Variants in LAMA5 observed in about 807,000 individuals in gnomAD.
The protein encoded by LAMA5 is laminin subunit alpha-5.
Under a neutral mutation model 433.4 loss-of-function variants are expected in LAMA5, and 260 were observed. The ratio of observed to expected loss-of-function variants is 0.60; its 90% CI spans 0.54 to 0.66. LAMA5 has a LOEUF of 0.66. Among genes scored for constraint, LAMA5 ranks in the 30% least tolerant of loss-of-function variants. LAMA5 has a pLI of 0.00. For missense variants in LAMA5, 5,378 were observed against 5,258.5 expected, an observed-to-expected ratio of 1.02 and a Z score of -0.70; for synonymous variants, 2,620 against 2,226.6, an observed-to-expected ratio of 1.18 and a Z score of -4.97.
chr20:62,339,077 G>A (rs1056371823), intron 11 of LAMA5, among the ~76,000 whole-genome samples: 2 of 151,824 alleles, frequency 1.3e-5, no homozygotes, highest in African/African-American at 4.8e-5. Context: ...GGCGTGTTTG[G>A]GAAAACAGTG....
At position 62,312,331 on chromosome 20, in the gene LAMA5, T is replaced by A. The variant is rs748139408; in HGVS notation, c.9361-15A>T. 2 of 1,606,782 alleles carry A rather than the reference T, an allele frequency of 1.2e-6. No individual in the cohort carries two copies. The highest frequency in any genetic ancestry group is 2.2e-5 in the South Asian group (2 of 90,776). On this transcript the variant is annotated splice_polypyrimidine_tract_variant and intron_variant, in intron 68 of 79. Transcript: ENST00000252999. ...GCGCGCCCCACCTGCGGGGAGGCCATCCCTGAGTGCCCGCGGGTGCCCCTG... is the reference window on the plus strand; with the variant it reads ...GCGCGCCCCACCTGCGGGGAGGCCAACCCTGAGTGCCCGCGGGTGCCCCTG...
At position 62,313,464 on chromosome 20, in the gene LAMA5, T is replaced by TGG; in HGVS notation, c.8659-6_8659-5dup. On this transcript the variant is annotated splice_polypyrimidine_tract_variant and splice_region_variant and intron_variant, in intron 63 of 79. Transcript: ENST00000252999. ...GGAAGCGAAGCAGGGGAGGGGGCTG[T>TGG]GGGCACAGGGCTGGGTCAGGGCACC... 6.2e-7 allele frequency: 1 copy of TGG among 1,601,116 alleles called. No individual in the cohort carries two copies. Among genetic ancestry groups the TGG allele is most frequent in the Non-Finnish European group, 8.5e-7 (1 of 1,174,652 alleles).
At chr20:62,352,515 G>C (rs938141633) in intron 3 of LAMA5, among the ~76,000 whole-genome samples, 155 bp from the exon 4 acceptor site, 10 of 152,210 alleles carry the variant, frequency 6.6e-5, no homozygotes, top group Non-Finnish European at 1.5e-4. Context: ...GGCTGAAGGG[G>C]CCTGGCCCGT....
chr20:62,336,597 C>T, intron 17 of LAMA5, 137 bp downstream of exon 17: 1 of 1,203,764 alleles, frequency 8.3e-7, no homozygotes, highest in Non-Finnish European at 1.2e-6. Context: ...AGAGGACCAG[C>T]CTAAGGAGCA....
intron 11 of LAMA5, chr20:62,345,336 TTTA>T (rs1259807410): frequency 1.3e-5 from 2 of 150,552 alleles, no homozygotes; most frequent in African/African-American, 4.8e-5. Context: ...CTATTTTTTT[TTTA>T]TTATACTTTA....
At chr20:62,360,961 ACTGCGCCCACTGGCT>A (rs1203110624) in intron 2 of LAMA5, among the ~76,000 whole-genome samples, 2 of 152,098 alleles carry the variant, frequency 1.3e-5, no homozygotes, top group African/African-American at 4.8e-5. Flanking sequence ...CACATCGGGC[ACTGCGCCCACTGGCT>A]CTGCAGCCAC....
chr20:62,366,465 C>T (rs1406858194), intron 1 of LAMA5, among the ~76,000 whole-genome samples: 1 of 152,222 alleles, frequency 6.6e-6, no homozygotes, highest in Non-Finnish European at 1.5e-5. Context: ...CTTTGGAGGT[C>T]TCCTCGAGTC....
rs1156298856 is a variant in LAMA5, at chr20:62,359,043, C to A, written c.450+3357G>T. Among the ~76,000 whole-genome samples, 1 of 152,178 alleles carries A rather than the reference C, an allele frequency of 6.6e-6. No individual in the cohort carries two copies. Among genetic ancestry groups the A allele is most frequent in the Non-Finnish European group, 1.5e-5 (1 of 68,020 alleles). ...CCCAGTTCCCCCACACCTTGACCCC[C>A]ACCTGGGCCTCCCCATTTGCCCTGC... On this transcript the variant is annotated intron_variant, in intron 2 of 79. Transcript: ENST00000252999. This position sits in a 1 kb window ranked among gnomAD's most constrained non-coding sequence, Gnocchi z 4.3.
In LAMA5 at chr20:62,324,845, G is replaced by A. The variant is rs1431601956; in HGVS notation, c.5530-291C>T. 2.0e-6 allele frequency: 1 copy of A among 488,520 alleles called. No individual in the cohort carries two copies. Among genetic ancestry groups the A allele is most frequent in the Non-Finnish European group, 3.7e-6 (1 of 267,240 alleles). The allele number at this position is 488,520 out of a possible 1,614,324, so 30.3% of individuals were successfully genotyped here. ...GTGACCACCCACTCCATGTGGACCA[G>A]GGCCTACTCTTTCCACTCCTTCTAG... is the stretch of plus-strand genomic sequence containing the variant. On this transcript the variant is annotated intron_variant, in intron 41 of 79. Transcript: ENST00000252999. The surrounding 1 kb of genome is among the most constrained non-coding windows in gnomAD (Gnocchi z 4.4).
intron 58 of LAMA5, 27 bp downstream of exon 58, chr20:62,315,921 C>T (rs367853296): frequency 1.4e-4 from 215 of 1,526,108 alleles, no homozygotes; most frequent in Non-Finnish European, 1.8e-4. Context: ...CGGCCGGCTG[C>T]GAGAGCCGGG....
chr20:62,313,638 G>A lies in LAMA5; in HGVS notation c.8658+11C>T, dbSNP rs1034202037. 1.2e-6 allele frequency: 2 copies of A among 1,612,076 alleles called. No individual in the cohort carries two copies. Among genetic ancestry groups the A allele is most frequent in the Admixed American group, 1.7e-5 (1 of 59,988 alleles). On this transcript the variant is annotated intron_variant, in intron 63 of 79. Transcript: ENST00000252999. ...GCCCCTCCCAGGCTGCCCCAGGCCGGGCGGGCTCACCGTGAAGGTACTGGG... is the reference window on the plus strand; with the variant it reads ...GCCCCTCCCAGGCTGCCCCAGGCCGAGCGGGCTCACCGTGAAGGTACTGGG...
chr20:62,312,174 G>A lies in LAMA5; in HGVS notation c.9503C>T (p.Pro3168Leu), dbSNP rs147777385. ...ATGGGCACGGGTGTGAGGTCTCACC[G>A]GGGACGCCCGGTAGTAGAGCAGGGC... ...DSALLYYRAS[P>L]DGLCQVSLQQ... The change falls in exon 69 of 80, where the codon CCG becomes CTG. Residue 3168 changes from proline to leucine, a missense_variant and splice_region_variant. By Grantham distance (98) the Pro-to-Leu change is moderately conservative (BLOSUM62 -3). Transcript: ENST00000252999. 331 of 1,610,326 alleles carry A rather than the reference G, an allele frequency of 2.1e-4. 1 individual carries two copies. The highest frequency in any genetic ancestry group is 2.4e-4 in the Non-Finnish European group (285 of 1,179,124).
In LAMA5 at chr20:62,309,140, G is replaced by A. The variant is rs150131230; in HGVS notation, c.*196C>T. 3.7e-4 allele frequency: 234 copies of A among 632,316 alleles called. No individual in the cohort carries two copies. In the African/African-American group the frequency reaches 3.9e-3, roughly 10 times the overall value. The allele number at this position is 632,316 out of a possible 1,614,324, so 39.2% of individuals were successfully genotyped here. The stretch of plus-strand genomic sequence containing the variant: ...TGACAAATCTCTCACAATTAAAAAT[G>A]GGTGGAAGGGCCAAATATAAAAACA... On this transcript the variant is annotated 3_prime_UTR_variant, in exon 80 of 80. Transcript: ENST00000252999.
At position 62,313,123 on chromosome 20, in the gene LAMA5, A is replaced by G; in HGVS notation, c.8920T>C (p.Ser2974Pro). ...KRFEQELRLV[S>P]YSGVLFFLKQ... Reference sequence around the variant, plus strand: ...AGGAAGAAGAGCACCCCGCTGTAGGACACGAGCCGCAGCTCCTGCTCGAAG... The same window carrying G: ...AGGAAGAAGAGCACCCCGCTGTAGGGCACGAGCCGCAGCTCCTGCTCGAAG... Residue 2974 changes from serine (S) to proline (P), a missense_variant, in exon 65 of 80, where the codon TCC becomes CCC. Coordinates refer to ENST00000252999, the MANE Select transcript of LAMA5 (RefSeq NM_005560.6). 1 of 1,608,162 alleles carries G rather than the reference A, an allele frequency of 6.2e-7. No individual in the cohort carries two copies. The highest frequency in any genetic ancestry group is 1.1e-5 in the South Asian group (1 of 91,022).
chr20:62,345,751 C>T (rs906476136), intron 11 of LAMA5, 67 bp downstream of exon 11: 12 of 1,179,074 alleles, frequency 1.0e-5, no homozygotes, highest in Middle Eastern at 1.9e-4. Flanking sequence ...TCTCCAGGAA[C>T]TTTCTGTGAA....
chr20:62,332,113 G>A (rs1027724708), intron 28 of LAMA5, among the ~76,000 whole-genome samples: 3 of 152,114 alleles, frequency 2.0e-5, no homozygotes, highest in African/African-American at 7.2e-5. Flanking sequence ...TGTGCCAGGA[G>A]GTGGCTGCCC....
At chr20:62,343,704 G>T (rs745832213) in intron 11 of LAMA5, among the ~76,000 whole-genome samples, 5 of 145,396 alleles carry the variant, frequency 3.4e-5, no homozygotes, top group Non-Finnish European at 6.0e-5. Context: ...TGAACTCGGG[G>T]GGCAGAGGTT....
In LAMA5 at chr20:62,310,386, C is replaced by G. The variant is rs777582252; in HGVS notation, c.10600+33G>C. 3 of 1,576,982 alleles carry G rather than the reference C, an allele frequency of 1.9e-6. No individual in the cohort carries two copies. The African/African-American group carries it at 4.1e-5, about 21-fold the overall frequency. ...ACCTCCTGGAGCCCCCTGCCCTGCC[C>G]TGCTGAGGCCTGGGATGCCAGCACC... On this transcript the variant is annotated intron_variant, in intron 76 of 79. Coordinates refer to ENST00000252999, the MANE Select transcript of LAMA5 (RefSeq NM_005560.6).
At chr20:62,339,390 G>A (rs1419635721) in intron 11 of LAMA5, among the ~76,000 whole-genome samples, 1 of 151,742 alleles carries the variant, frequency 6.6e-6, no homozygotes, top group African/African-American at 2.4e-5. Flanking sequence ...GGTGCACGCT[G>A]CCACGCCCGG....
Sources: gnomAD v4.1 joint callset for allele counts (sites outside exome capture counted in the v4.1 genomes callset) on GRCh38, gnomAD v4.1.1 for gene constraint, Gnocchi (gnomAD v3.1) non-coding constraint, MANE v1.5 for transcripts, NCBI Gene and HGNC (gene_info 2026-07-23, HGNC 2026-07-21) for gene names.